The following NEURL1 variants were observed in gnomAD, a reference collection of about 807,000 sequenced individuals.
NEURL1 encodes E3 ubiquitin-protein ligase NEURL1.
NEURL1 carries 26 observed loss-of-function variants against 41.2 expected under a neutral mutation model. The ratio of observed to expected loss-of-function variants is 0.63; its 90% CI spans 0.46 to 0.87. The LOEUF (loss-of-function observed/expected upper bound fraction) is 0.87. Ranked by LOEUF, NEURL1 falls within the 40% of genes least tolerant of loss-of-function variation. The pLI, the probability that NEURL1 is intolerant of heterozygous loss-of-function variation, is 0.00. For synonymous variants in NEURL1, 400 were observed against 402.3 expected, an observed-to-expected ratio of 0.99 and a Z score of 0.07; for missense variants, 761 against 871.1, an observed-to-expected ratio of 0.87 and a Z score of 1.59.
At chr10:103,544,146 T>C (rs2034879090) in intron 1 of NEURL1, among the ~76,000 whole-genome samples, 1 of 152,048 alleles carries the variant, frequency 6.6e-6, no homozygotes, top group Admixed American at 6.5e-5. Context: ...GCCTGAACCA[T>C]GGGCAGAGCC....
At chr10:103,538,140 G>A (rs2034735237) in intron 1 of NEURL1, among the ~76,000 whole-genome samples, 1 of 151,786 alleles carries the variant, frequency 6.6e-6, no homozygotes. Flanking sequence ...TGTCGCCTAG[G>A]CTGGAGTGCA....
In NEURL1 at chr10:103,592,195, T is replaced by A. The variant is rs1250075580; in HGVS notation, c.*1823T>A. The stretch of plus-strand genomic sequence containing the variant: ...CTTCCATTTCTATAAAATGGTTGTT[T>A]CGGGAGAGAGGGGCAGGCTTTCTGT... On this transcript the variant is annotated 3_prime_UTR_variant, in exon 6 of 6. Coordinates refer to ENST00000369780, the MANE Select transcript of NEURL1 (RefSeq NM_004210.5). This position sits in a 1 kb window ranked among gnomAD's most constrained non-coding sequence, Gnocchi z 4.8. 1.3e-5 allele frequency: 2 copies of A among 152,332 alleles called. No individual in the cohort carries two copies. The highest frequency in any genetic ancestry group is 1.3e-4 in the Admixed American group (2 of 15,292). The allele number at this position is 152,332 out of a possible 1,614,324, so 9.4% of individuals were successfully genotyped here. A position where few individuals can be genotyped will look rare whatever the true frequency, so the allele number is the denominator to read the frequency against.
At chr10:103,555,951 G>A (rs2035145243) in intron 1 of NEURL1, among the ~76,000 whole-genome samples, 1 of 152,010 alleles carries the variant, frequency 6.6e-6, no homozygotes, top group Admixed American at 6.5e-5. Context: ...GTGTGTCTGT[G>A]CTCGTGAGTA....
In NEURL1 at chr10:103,590,227, A is replaced by G. The variant is rs1375290491; in HGVS notation, c.1580A>G (p.His527Arg). ...GATGAGTGCACCATTTGCTATGAAC[A>G]CGCGGTGGACACGGTCATCTACACA... ...WSDECTICYE[H>R]AVDTVIYTCG... The change falls in exon 6 of 6, where the codon CAC (histidine) becomes CGC (arginine). Residue 527 changes from histidine (H) to arginine (R), a missense_variant. Around this residue, in one of 5 missense-constraint regions of NEURL1, gnomAD observed 45 missense variants for 89.9 expected, o/e 0.50. Coordinates refer to ENST00000369780, the MANE Select transcript of NEURL1 (RefSeq NM_004210.5). 1 of 1,614,094 alleles carries G rather than the reference A, an allele frequency of 6.2e-7. No homozygotes were observed.
In NEURL1 at chr10:103,584,582, C is replaced by A; in HGVS notation, c.696C>A (p.Thr232=). Residue 232 remains threonine (T), a synonymous_variant, in exon 4 of 6, where the codon ACC becomes ACA. Transcript: ENST00000369780. ...LPDCLRPRSF[T]ALRRPSLRRE... is the part of the protein sequence containing the mutation. ...ACTGTCTGCGGCCGCGCTCCTTCAC[C>A]GCCCTGCGGCGGCCGTCGCTGCGGC... The A allele has an allele frequency of 7.1e-7, 1 of 1,414,876 alleles. No individual in the cohort carries two copies. The highest frequency in any genetic ancestry group is 9.2e-7 in the Non-Finnish European group (1 of 1,090,072). The allele number at this position is 1,414,876 out of a possible 1,614,324, so 87.6% of individuals were successfully genotyped here.
chr10:103,566,023 T>C lies in NEURL1; in HGVS notation c.86-4849T>C, dbSNP rs2035416401. On this transcript the variant is annotated intron_variant, in intron 1 of 5. Coordinates refer to ENST00000369780, the MANE Select transcript of NEURL1 (RefSeq NM_004210.5). The surrounding 1 kb of genome is among the most constrained non-coding windows in gnomAD (Gnocchi z 4.2). ...CGTCCTTTTCGAGTGTACAGTTTTG[T>C]GAGTTTTTACAATGTACAAGTTGTG... is the stretch of plus-strand genomic sequence containing the variant. 6.6e-6 allele frequency among the ~76,000 whole-genome samples: 1 copy of C among 152,182 alleles called. No homozygotes were observed. The highest frequency in any genetic ancestry group is 2.1e-4 in the South Asian group (1 of 4,828).
chr10:103,537,496 T>A (rs2034717769), intron 1 of NEURL1, among the ~76,000 whole-genome samples: 1 of 152,052 alleles, frequency 6.6e-6, no homozygotes, highest in Non-Finnish European at 1.5e-5. Flanking sequence ...TGGGCTCAGG[T>A]GATCTTCCTA....
chr10:103,530,400 A>G (rs556858628), intron 1 of NEURL1, among the ~76,000 whole-genome samples: 1 of 151,958 alleles, frequency 6.6e-6, no homozygotes, highest in South Asian at 2.1e-4. Context: ...GTTTCAAGAC[A>G]TTTTTAAATT....
At chr10:103,571,929 A>G in intron 3 of NEURL1, 107 bp downstream of exon 3, 8 of 1,139,502 alleles carry the variant, frequency 7.0e-6, no homozygotes, top group Non-Finnish European at 7.3e-6. Context: ...CCCCTCTCTG[A>G]CTGGTGCCAA....
chr10:103,496,317 A>G (rs2033684474), intron 1 of NEURL1, among the ~76,000 whole-genome samples: 3 of 152,188 alleles, frequency 2.0e-5, no homozygotes, highest in Admixed American at 1.3e-4. Flanking sequence ...TTACAATTAT[A>G]TTTGTGAAGA....
intron 3 of NEURL1, among the ~76,000 whole-genome samples, chr10:103,581,094 T>C (rs1016190982): frequency 4.6e-5 from 7 of 152,186 alleles, no homozygotes; most frequent in Non-Finnish European, 7.4e-5. Flanking sequence ...AGTTATCGGG[T>C]AGCTTCTGGG....
chr10:103,518,088 G>T (rs969822946), intron 1 of NEURL1, among the ~76,000 whole-genome samples: 1 of 152,160 alleles, frequency 6.6e-6, no homozygotes, highest in African/African-American at 2.4e-5. Flanking sequence ...ATTGCCAAGA[G>T]CCATGGACTG....
chr10:103,527,010 TGA>T (rs1057341206), intron 1 of NEURL1, among the ~76,000 whole-genome samples: 3 of 152,062 alleles, frequency 2.0e-5, no homozygotes, highest in Non-Finnish European at 2.9e-5. Flanking sequence ...AGAGCAGCCC[TGA>T]GGGCTCCTGG....
intron 1 of NEURL1, among the ~76,000 whole-genome samples, chr10:103,525,964 G>A (rs2034451207): frequency 1.3e-5 from 2 of 152,160 alleles, no homozygotes; most frequent in Admixed American, 1.3e-4. Context: ...AAGGGATGTT[G>A]AATTTTATCA....
intron 1 of NEURL1, among the ~76,000 whole-genome samples, chr10:103,533,334 C>G (rs1246687612): frequency 2.0e-5 from 3 of 151,138 alleles, no homozygotes; most frequent in African/African-American, 7.3e-5. Flanking sequence ...TTATTTTTTT[C>G]TCTGACTGGG....
chr10:103,544,057 G>A (rs528986282), intron 1 of NEURL1, among the ~76,000 whole-genome samples: 17 of 152,220 alleles, frequency 1.1e-4, no homozygotes, highest in South Asian at 1.0e-3. Context: ...GGGCTGAGTC[G>A]GGCAGAGATG....
chr10:103,514,968 C>T (rs1231938773), intron 1 of NEURL1, among the ~76,000 whole-genome samples: 2 of 152,130 alleles, frequency 1.3e-5, no homozygotes, highest in Non-Finnish European at 2.9e-5. Context: ...TGGCTCATGG[C>T]TGTAATCCCA....
chr10:103,566,089 T>C lies in NEURL1; in HGVS notation c.86-4783T>C, dbSNP rs1334012764. ...TCTCAAGATATGGAACATTATTTCT[T>C]TCTTTTCTTTTTTTTTTAGAGACAG... On this transcript the variant is annotated intron_variant, in intron 1 of 5. Transcript: ENST00000369780. This position sits in a 1 kb window ranked among gnomAD's most constrained non-coding sequence, Gnocchi z 4.2. Among the ~76,000 whole-genome samples the C allele has an allele frequency of 6.6e-6, 1 of 152,162 alleles. No individual in the cohort carries two copies. The highest frequency in any genetic ancestry group is 1.5e-5 in the Non-Finnish European group (1 of 68,030).
rs1432966064 is a variant in NEURL1 at position 103,590,881 on chromosome 10, C to T, written c.*509C>T. On this transcript the variant is annotated 3_prime_UTR_variant, in exon 6 of 6. Coordinates refer to ENST00000369780, the MANE Select transcript of NEURL1 (RefSeq NM_004210.5). ...CTTGAGCAGTGTACAGCCTGCTCAA[C>T]AACCGCCCTGGGCAGGCCGCTCCTG... 3 of 159,000 alleles carry T rather than the reference C, an allele frequency of 1.9e-5. No homozygotes were observed. The highest frequency in any genetic ancestry group is 4.2e-5 in the Non-Finnish European group (3 of 72,030). The allele number at this position is 159,000 out of a possible 1,614,324, so 9.8% of individuals were successfully genotyped here.
Sources: gnomAD v4.1 joint callset for allele counts (sites outside exome capture counted in the v4.1 genomes callset) on GRCh38, gnomAD v4.1.1 for gene constraint, gnomAD v4.1.1 regional missense constraint, Gnocchi (gnomAD v3.1) non-coding constraint, MANE v1.5 for transcripts, NCBI Gene and HGNC (gene_info 2026-07-23, HGNC 2026-07-21) for gene names.